IQCK: variants seen among roughly 807,000 people sequenced by gnomAD.
IQCK encodes IQ domain-containing protein K.
A neutral mutation model predicts 28.1 loss-of-function variants in IQCK; 29 were observed. The ratio of observed to expected loss-of-function variants is 1.03; its 90% CI spans 0.77 to 1.41. The LOEUF (loss-of-function observed/expected upper bound fraction) is 1.41. Among genes scored for constraint, IQCK ranks in the 40% most tolerant of loss-of-function variants. IQCK has a pLI of 0.00. For missense variants in IQCK, 359 were observed against 314.7 expected (o/e 1.14, Z -1.07); for synonymous variants, 113 against 115.1 (o/e 0.98, Z 0.12).
intron 4 of IQCK, among the ~76,000 whole-genome samples, chr16:19,755,712 A>T (rs1020248765): frequency 1.3e-5 from 2 of 152,160 alleles, no homozygotes; most frequent in African/African-American, 2.4e-5. Context: ...AGCCAGAGAG[A>T]TTCTCATTTT....
intron 7 of IQCK, among the ~76,000 whole-genome samples, chr16:19,817,379 G>A (rs1044803833): frequency 2.6e-5 from 4 of 152,120 alleles, no homozygotes; most frequent in African/African-American, 7.2e-5. Context: ...CAATGGGTGC[G>A]TGCTTTCCCC....
intron 1 of IQCK, among the ~76,000 whole-genome samples, chr16:19,725,834 C>G (rs528865221): frequency 2.0e-5 from 3 of 152,230 alleles, no homozygotes; most frequent in African/African-American, 7.2e-5. Context: ...ATCATTTCAA[C>G]TGTATGTCTT....
chr16:19,749,771 G>GAA (rs111778931), intron 4 of IQCK, among the ~76,000 whole-genome samples: 1 of 138,352 alleles, frequency 7.2e-6, no homozygotes, highest in African/African-American at 2.6e-5. Context: ...TTTCAAAAAG[G>GAA]AAAAAAAAAA....
At chr16:19,811,103 G>A (rs1407048607) in intron 7 of IQCK, among the ~76,000 whole-genome samples, 1 of 152,108 alleles carries the variant, frequency 6.6e-6, no homozygotes, top group Middle Eastern at 3.2e-3. Context: ...GGGGAACATG[G>A]CAAAACCTGG....
chr16:19,767,637 G>A (rs964578190), intron 6 of IQCK, among the ~76,000 whole-genome samples: 21 of 152,074 alleles, frequency 1.4e-4, no homozygotes, highest in South Asian at 2.1e-4. Flanking sequence ...GTGTCTGCCC[G>A]CTAGGGTCTC....
chr16:19,849,261 G>GTTTTTTTTTTTTTTTTT (rs71146276), intron 9 of IQCK, among the ~76,000 whole-genome samples: 1 of 142,156 alleles, frequency 7.0e-6, no homozygotes, highest in Non-Finnish European at 1.5e-5. Flanking sequence ...CTATGTTCAG[G>GTTTTTTTTTTTTTTTTT]TTTTTTTTTT....
intron 9 of IQCK, among the ~76,000 whole-genome samples, chr16:19,840,232 T>G (rs2056349474): frequency 6.6e-6 from 1 of 152,028 alleles, no homozygotes; most frequent in Admixed American, 6.6e-5. Context: ...GGCAGGCACC[T>G]GTAATCTCAG....
chr16:19,852,724 G>A (rs1244326094), intron 9 of IQCK, among the ~76,000 whole-genome samples: 2 of 148,846 alleles, frequency 1.3e-5, no homozygotes, highest in South Asian at 2.2e-4. Flanking sequence ...CTGGGTTCAC[G>A]CCATTCTCCT....
rs1041427760 is a variant in IQCK, at chr16:19,754,978, T to A, written c.475-8870T>A. Among the ~76,000 whole-genome samples the A allele has an allele frequency of 1.4e-4, 21 of 152,356 alleles. No homozygotes were observed. In the East Asian group the frequency reaches 4.0e-3, roughly 29 times the overall value. ...ATGTTATTAGTGCATTTTTTGAACTTCTTTAGAGAAGTATTATTTTTCTCT... is the reference window on the plus strand; with the variant it reads ...ATGTTATTAGTGCATTTTTTGAACTACTTTAGAGAAGTATTATTTTTCTCT... On this transcript the variant is annotated intron_variant, in intron 4 of 7. Transcript: ENST00000564186.
intron 7 of IQCK, among the ~76,000 whole-genome samples, chr16:19,805,240 G>GAC (rs10645422): frequency 0.34 from 51,057 of 151,976 alleles, 13,281 homozygotes; most frequent in African/African-American, 0.73. Context: ...CTGGCACAGA[G>GAC]AATGGCCAGC....
downstream of IQCK, among the ~76,000 whole-genome samples, chr16:19,832,045 T>C (rs192307722): frequency 8.3e-4 from 126 of 152,286 alleles, no homozygotes; most frequent in African/African-American, 3.0e-3. Flanking sequence ...CAAGTCATTT[T>C]TGAGATGTAG....
At chr16:19,857,404 T>G in exon 10 of IQCK, 1 of 433,674 alleles carries the variant, frequency 2.3e-6, no homozygotes, top group Non-Finnish European at 4.5e-6. Flanking sequence ...ATATAGTCGT[T>G]TATGGTACAT....
At chr16:19,759,623 A>G (rs1358112674) in intron 4 of IQCK, among the ~76,000 whole-genome samples, 1 of 152,174 alleles carries the variant, frequency 6.6e-6, no homozygotes, top group East Asian at 1.9e-4. Context: ...GACTCATGTT[A>G]CAGTCTCAGG....
chr16:19,755,383 G>A (rs2055038529), intron 4 of IQCK, among the ~76,000 whole-genome samples: 1 of 152,216 alleles, frequency 6.6e-6, no homozygotes, highest in Admixed American at 6.5e-5. Context: ...TCTCTTGGGA[G>A]TATCCAACTA....
intron 4 of IQCK, chr16:19,735,878 T>C (rs1977997854): frequency 2.9e-6 from 1 of 345,124 alleles, no homozygotes; most frequent in African/African-American, 2.1e-5. Context: ...CTGGGCAACA[T>C]AGTGAGACCC....
At chr16:19,747,042 G>C (rs936373130) in intron 4 of IQCK, among the ~76,000 whole-genome samples, 3 of 152,154 alleles carry the variant, frequency 2.0e-5, no homozygotes, top group Admixed American at 6.6e-5. Flanking sequence ...AATTTAAGAG[G>C]CCAAGGCAGA....
chr16:19,736,070 A>G, intron 4 of IQCK: 3 of 454,640 alleles, frequency 6.6e-6, no homozygotes, highest in Non-Finnish European at 1.3e-5. Context: ...AACTCAAAAA[A>G]AAAATCCCAC....
intron 1 of IQCK, among the ~76,000 whole-genome samples, chr16:19,727,079 C>T (rs781240087): frequency 3.3e-5 from 5 of 149,632 alleles, no homozygotes; most frequent in African/African-American, 1.2e-4. Flanking sequence ...CATAGTAAGC[C>T]GAGATCATAC....
intron 4 of IQCK, among the ~76,000 whole-genome samples, chr16:19,748,524 A>C (rs946323354): frequency 1.3e-5 from 2 of 152,184 alleles, no homozygotes; most frequent in African/African-American, 4.8e-5. Context: ...GTTAAGCAAA[A>C]CTTAAGAGTG....
Sources: gnomAD v4.1 joint callset for allele counts (sites outside exome capture counted in the v4.1 genomes callset) on GRCh38, gnomAD v4.1.1 for gene constraint, MANE v1.5 for transcripts, NCBI Gene and HGNC (gene_info 2026-07-23, HGNC 2026-07-21) for gene names.